PRXL2C: variants seen among roughly 807,000 people sequenced by gnomAD.
The protein encoded by PRXL2C is peroxiredoxin like 2C.
In PRXL2C, 38 loss-of-function variants were observed where a neutral mutation model predicts 24.9. The ratio of observed to expected loss-of-function variants is 1.53; its 90% CI spans 1.18 to 2.00. The LOEUF (loss-of-function observed/expected upper bound fraction) is 2.00, where lower values mean the gene tolerates loss of function less well. Among genes scored for constraint, PRXL2C ranks in the 30% most tolerant of loss-of-function variants. The pLI is 0.00. For missense variants in PRXL2C, 294 were observed against 290.9 expected, an observed-to-expected ratio of 1.01 and a Z score of -0.08; for synonymous variants, 98 against 117.2, an observed-to-expected ratio of 0.84 and a Z score of 1.06.
intron 2 of PRXL2C, among the ~76,000 whole-genome samples, chr9:96,653,283 A>G (rs1301714126): frequency 1.3e-5 from 2 of 152,116 alleles, no homozygotes; most frequent in Admixed American, 1.3e-4. Context: ...TAAAAAAGAA[A>G]GACATTTTTC....
intron 5 of PRXL2C, among the ~76,000 whole-genome samples, chr9:96,645,286 A>AAT (rs991923173): frequency 6.6e-6 from 1 of 152,088 alleles, no homozygotes; most frequent in Non-Finnish European, 1.5e-5. Flanking sequence ...AACATTCCTA[A>AAT]ATAGCGGAGT....
chr9:96,653,012 G>A (rs878994906), intron 2 of PRXL2C, among the ~76,000 whole-genome samples: 4 of 152,274 alleles, frequency 2.6e-5, no homozygotes, highest in Non-Finnish European at 4.4e-5. Flanking sequence ...CAGATCACGA[G>A]GTCAGGAGAT....
intron 4 of PRXL2C, among the ~76,000 whole-genome samples, chr9:96,648,269 G>A (rs1393991848): frequency 1.3e-5 from 2 of 152,122 alleles, no homozygotes; most frequent in Non-Finnish European, 2.9e-5. Context: ...AATTCAACTT[G>A]AGATTCCATA....
At chr9:96,649,792 C>CT (rs1479120603) in intron 4 of PRXL2C, among the ~76,000 whole-genome samples, 2 of 152,062 alleles carry the variant, frequency 1.3e-5, no homozygotes, top group Non-Finnish European at 1.5e-5. Context: ...CACTTCTCTG[C>CT]TTCAAACACT....
intron 4 of PRXL2C, among the ~76,000 whole-genome samples, chr9:96,650,274 CAG>C (rs891670254): frequency 3.3e-5 from 5 of 152,184 alleles, no homozygotes; most frequent in Admixed American, 2.0e-4. Context: ...GCATCCAACA[CAG>C]TGGGTATCAA....
Position 96,641,862 on chromosome 9 carries a change from C to T in PRXL2C, c.578G>A (p.Arg193His), listed in dbSNP as rs540720917. ...TTTGTGATCCAACCTATTCCTATCGCGGTGTATAAAATGGATGTTGTTACC... is the reference window on the plus strand; with the variant it reads ...TTTGTGATCCAACCTATTCCTATCGTGGTGTATAAAATGGATGTTGTTACC... The part of the protein sequence containing the change: ...GPGNNIHFIH[R>H]DRNRLDHKPI... The change falls in exon 6 of 6, where the codon CGC becomes CAC. Residue 193 changes from arginine (R) to histidine (H), a missense_variant. Transcript: ENST00000375234. The T allele has an allele frequency of 2.7e-4, 404 of 1,512,328 alleles. 7 individuals are homozygous for T. The South Asian group carries it at 4.7e-3, about 18-fold the overall frequency. The allele number at this position is 1,512,328 out of a possible 1,614,324, so 93.7% of individuals were successfully genotyped here. A position where few individuals can be genotyped will look rare whatever the true frequency, so the allele number is the denominator to read the frequency against.
At chr9:96,646,682 A>C (rs1056771722) in intron 4 of PRXL2C, among the ~76,000 whole-genome samples, 4 of 152,160 alleles carry the variant, frequency 2.6e-5, no homozygotes, top group African/African-American at 4.8e-5. Flanking sequence ...TTCCTTCTAC[A>C]TTCTTGGAAG....
At chr9:96,650,508 A>C (rs910059179) in intron 4 of PRXL2C, among the ~76,000 whole-genome samples, 5 of 152,104 alleles carry the variant, frequency 3.3e-5, no homozygotes, top group African/African-American at 1.2e-4. Flanking sequence ...AAGTGCAATA[A>C]TAGAGTATAT....
Position 96,655,265 on chromosome 9 carries a change from G to C in PRXL2C, c.17C>G (p.Pro6Arg). 1.8e-6 allele frequency: 2 copies of C among 1,083,276 alleles called. No individual in the cohort carries two copies. Among genetic ancestry groups the C allele is most frequent in the Non-Finnish European group, 2.2e-6 (2 of 894,482 alleles). The allele number at this position is 1,083,276 out of a possible 1,614,324, so 67.1% of individuals were successfully genotyped here. Residue 6 changes from proline to arginine, a missense_variant, in exon 1 of 6, where the codon CCG becomes CGG. Transcript: ENST00000375234. The part of the protein sequence containing the change: MAAPA[P>R]VTRQVSGAAA... ...GGCGCCGCTAACCTGCCGCGTGACC[G>C]GGGCCGGCGCGGCCATGACGCGGGG...
chr9:96,643,490 CT>C (rs1848147242), intron 5 of PRXL2C, among the ~76,000 whole-genome samples: 1 of 152,206 alleles, frequency 6.6e-6, no homozygotes, highest in Admixed American at 6.5e-5. Context: ...TTGTGATCTG[CT>C]CACCTTGGGC....
At chr9:96,642,093 T>A (rs1328572252) in intron 5 of PRXL2C, among the ~76,000 whole-genome samples, 1 of 152,164 alleles carries the variant, frequency 6.6e-6, no homozygotes, top group African/African-American at 2.4e-5. Context: ...ATAAGAGCCA[T>A]ACTTGATGTT....
intron 4 of PRXL2C, 139 bp downstream of exon 4, chr9:96,651,251 C>T: frequency 1.6e-6 from 1 of 635,592 alleles, no homozygotes; most frequent in Non-Finnish European, 2.7e-6. Context: ...GCACTCCTGC[C>T]CCAGCAACAG....
At chr9:96,645,262 G>A (rs944469787) in intron 5 of PRXL2C, among the ~76,000 whole-genome samples, 3 of 151,734 alleles carry the variant, frequency 2.0e-5, no homozygotes, top group Admixed American at 6.6e-5. Flanking sequence ...ATTCAGAAAT[G>A]TTCATCTCCA....
intron 2 of PRXL2C, 34 bp from the exon 3 acceptor site, chr9:96,651,746 T>G: frequency 6.5e-7 from 1 of 1,541,540 alleles, no homozygotes. Context: ...TATATATCAT[T>G]AGAAATTATG....
At chr9:96,645,018 T>C (rs1257570600) in intron 5 of PRXL2C, among the ~76,000 whole-genome samples, 2 of 146,564 alleles carry the variant, frequency 1.4e-5, no homozygotes, top group African/African-American at 5.0e-5. Flanking sequence ...GCCAGTCTCC[T>C]GCCTCAGCCT....
At chr9:96,645,843 T>C (rs200662000) in intron 5 of PRXL2C, 50 bp downstream of exon 5, 4 of 1,523,560 alleles carry the variant, frequency 2.6e-6, no homozygotes, top group East Asian at 2.4e-5. Flanking sequence ...GCCTCTGAAC[T>C]TGTAAAAAGC....
At chr9:96,653,173 G>A (rs1393945034) in intron 2 of PRXL2C, among the ~76,000 whole-genome samples, 1 of 151,632 alleles carries the variant, frequency 6.6e-6, no homozygotes, top group Non-Finnish European at 1.5e-5. Context: ...CTTGCAGTGA[G>A]CTGAGATCGC....
intron 5 of PRXL2C, 113 bp from the exon 6 acceptor site, chr9:96,641,999 T>C: frequency 2.5e-6 from 2 of 798,766 alleles, no homozygotes; most frequent in Non-Finnish European, 3.6e-6. Flanking sequence ...GAAAAATTAA[T>C]TACCTGGAGT....
At chr9:96,654,983 G>A in intron 1 of PRXL2C, 107 bp downstream of exon 1, 1 of 1,319,260 alleles carries the variant, frequency 7.6e-7, no homozygotes, top group Non-Finnish European at 9.8e-7. Context: ...GACTGGGCAG[G>A]CTGCCTTCCC....
Sources: allele counts gnomAD v4.1 joint callset (sites outside exome capture counted in the v4.1 genomes callset), GRCh38; gene constraint gnomAD v4.1.1; transcripts MANE v1.5; gene names NCBI Gene and HGNC (gene_info 2026-07-23, HGNC 2026-07-21).